OAS2: variants seen among roughly 807,000 people sequenced by gnomAD.
OAS2 encodes the protein 2'-5'-oligoadenylate synthase 2.
OAS2 carries 67 observed loss-of-function variants against 71.3 expected under a neutral mutation model. The observed-to-expected ratio is 0.94, with a 90% CI of 0.77 to 1.15. The LOEUF (loss-of-function observed/expected upper bound fraction) is 1.15, where lower values mean the gene tolerates loss of function less well. Ranked by LOEUF, OAS2 falls within the 50% of genes most tolerant of loss-of-function variation. The probability of loss-of-function intolerance (pLI) is 0.00; values close to 1 mark genes in which losing one functional copy is unlikely to be tolerated. For synonymous variants in OAS2, 327 were observed against 321.8 expected (o/e 1.02, Z -0.17); for missense variants, 789 against 822.5 (o/e 0.96, Z 0.50).
intron 1 of OAS2, among the ~76,000 whole-genome samples, chr12:112,986,684 G>A (rs2044139699): frequency 6.6e-6 from 1 of 151,824 alleles, no homozygotes; most frequent in Non-Finnish European, 1.5e-5. Context: ...CTGGCCGCAG[G>A]TGGGACAGTT....
intron 2 of OAS2, among the ~76,000 whole-genome samples, chr12:112,992,389 A>C (rs1263768948): frequency 7.3e-6 from 1 of 136,558 alleles, no homozygotes; most frequent in East Asian, 2.0e-4. Flanking sequence ...AGATCTTGTC[A>C]AAAGAAAAAA....
chr12:113,005,918 CAAAAAAAAA>C lies in OAS2; in HGVS notation c.1469-470_1469-462del, dbSNP rs138299398. ...AAAAAGCAAAAAACAACAACAACAA[CAAAAAAAAA>C]AAAAAAAAAAAAAAAAAAAAAAAAC... On this transcript the variant is annotated intron_variant, in intron 7 of 9. Coordinates refer to ENST00000392583, the MANE Select transcript of OAS2 (RefSeq NM_002535.3). Among the ~76,000 whole-genome samples, 32 of 49,046 alleles carry C rather than the reference CAAAAAAAAA, an allele frequency of 6.5e-4. 1 individual carries two copies. Among genetic ancestry groups the C allele is most frequent in the Middle Eastern group, 0.015 (1 of 68 alleles). The allele number at this position is 49,046 out of a possible 152,430, so 32.2% of individuals were successfully genotyped here. A position where few individuals can be genotyped will look rare whatever the true frequency, so the allele number is the denominator to read the frequency against.
chr12:113,003,994 T>C (rs1367825116), intron 6 of OAS2, among the ~76,000 whole-genome samples: 1 of 152,204 alleles, frequency 6.6e-6, no homozygotes, highest in African/African-American at 2.4e-5. Flanking sequence ...CTCTCCTTCC[T>C]GAAACCCCAT....
chr12:112,998,195 C>T (rs1783779605), intron 4 of OAS2, 71 bp from the exon 5 acceptor site: 1 of 1,558,384 alleles, frequency 6.4e-7, no homozygotes, highest in Non-Finnish European at 8.7e-7. Context: ...CTCCAGGCCT[C>T]TTTCCCCAAA....
At position 112,978,915 on chromosome 12, in the gene OAS2, C is replaced by G; in HGVS notation, c.177+130C>G. 1.2e-6 allele frequency: 1 copy of G among 860,284 alleles called. No individual in the cohort carries two copies. Among genetic ancestry groups the G allele is most frequent in the Non-Finnish European group, 1.8e-6 (1 of 568,160 alleles). The allele number at this position is 860,284 out of a possible 1,614,324, so 53.3% of individuals were successfully genotyped here. On this transcript the variant is annotated intron_variant, in intron 1 of 9. Transcript: ENST00000392583. This position sits in a 1 kb window ranked among gnomAD's most constrained non-coding sequence, Gnocchi z 4.2. ...CTTGGGTGGGATGTGGTGTAGGAGT[C>G]TCAGGCTCTGGAGCAGGCGCTTGCT...
chr12:112,993,697 G>A (rs999462894), intron 2 of OAS2, among the ~76,000 whole-genome samples: 1 of 151,718 alleles, frequency 6.6e-6, no homozygotes, highest in Non-Finnish European at 1.5e-5. Context: ...CTGGGCAACA[G>A]GCTTTTTTTT....
rs2044301902 is a variant in OAS2 at position 113,002,943 on chromosome 12, C to G, written c.1020C>G (p.Leu340=). 1.2e-6 allele frequency: 2 copies of G among 1,613,916 alleles called. No individual in the cohort carries two copies. The highest frequency in any genetic ancestry group is 1.1e-5 in the South Asian group (1 of 91,070). Residue 340 remains leucine, a synonymous_variant, in exon 6 of 10, where the codon CTC becomes CTG. Coordinates refer to ENST00000392583, the MANE Select transcript of OAS2 (RefSeq NM_002535.3). ...APSWNVLPAP[L]FTTPGHLLDK... ...CCTTCCTTCCCCAGCCTGCACCACT[C>G]TTCACGACCCCAGGCCACCTTCTGG...
intron 1 of OAS2, 32 bp from the exon 2 acceptor site, chr12:112,987,006 G>T: frequency 6.3e-7 from 1 of 1,575,340 alleles, no homozygotes; most frequent in Non-Finnish European, 8.6e-7. Flanking sequence ...CCAGAATCTA[G>T]TGTCTCATAT....
chr12:113,009,235 G>C lies in OAS2; in HGVS notation c.2044G>C (p.Val682Leu). 2 of 1,614,026 alleles carry C rather than the reference G, an allele frequency of 1.2e-6. No individual in the cohort carries two copies. The highest frequency in any genetic ancestry group is 1.7e-6 in the Non-Finnish European group (2 of 1,179,940). Residue 682 changes from valine to leucine, a missense_variant, in exon 10 of 10, where the codon GTG (valine) becomes CTG (leucine). Val to Leu is a conservative substitution (Grantham distance 32). Coordinates refer to ENST00000392583, the MANE Select transcript of OAS2 (RefSeq NM_002535.3). ...GTGNPIPPWKVPVKVI is the reference protein window; with the variant it reads ...GTGNPIPPWKLPVKVI ...TGGAAACCCAATACCACCTTGGAAA[G>C]TGCCGGTAAAAGTCATCTAAAGGAG...
At chr12:112,993,218 T>C (rs143603432) in intron 2 of OAS2, among the ~76,000 whole-genome samples, 2 of 152,320 alleles carry the variant, frequency 1.3e-5, no homozygotes, top group African/African-American at 4.8e-5. Flanking sequence ...CTGTCTCCAA[T>C]TCTGCATCTC....
Position 112,978,921 on chromosome 12 carries a change from C to G in OAS2, c.177+136C>G. Reference sequence around the variant, plus strand: ...TGGGATGTGGTGTAGGAGTCTCAGGCTCTGGAGCAGGCGCTTGCTCCAGAG... The same window carrying G: ...TGGGATGTGGTGTAGGAGTCTCAGGGTCTGGAGCAGGCGCTTGCTCCAGAG... On this transcript the variant is annotated intron_variant, in intron 1 of 9. Coordinates refer to ENST00000392583, the MANE Select transcript of OAS2 (RefSeq NM_002535.3). This position sits in a 1 kb window ranked among gnomAD's most constrained non-coding sequence, Gnocchi z 4.2. 1 of 804,752 alleles carries G rather than the reference C, an allele frequency of 1.2e-6. No individual in the cohort carries two copies. The highest frequency in any genetic ancestry group is 2.8e-5 in the East Asian group (1 of 35,618). The allele number at this position is 804,752 out of a possible 1,614,324, so 49.9% of individuals were successfully genotyped here.
In OAS2 at chr12:113,010,564, C is replaced by G; in HGVS notation, c.*1309C>G. On this transcript the variant is annotated 3_prime_UTR_variant, in exon 10 of 10. Coordinates refer to ENST00000392583, the MANE Select transcript of OAS2 (RefSeq NM_002535.3). Reference sequence around the variant, plus strand: ...CACATCCATTCTTCCCTTGATGGTCCCTATTCCTCCTTCCCTTGCTTCTTG... The same window carrying G: ...CACATCCATTCTTCCCTTGATGGTCGCTATTCCTCCTTCCCTTGCTTCTTG... 6.4e-7 allele frequency: 1 copy of G among 1,550,874 alleles called. No homozygotes were observed. Among genetic ancestry groups the G allele is most frequent in the East Asian group, 2.3e-5 (1 of 43,926 alleles).
At chr12:113,003,290 T>C (rs947034222) in intron 6 of OAS2, among the ~76,000 whole-genome samples, 188 bp downstream of exon 6, 5 of 152,194 alleles carry the variant, frequency 3.3e-5, no homozygotes, top group Non-Finnish European at 7.3e-5. Flanking sequence ...GCCTAGGTCA[T>C]TAACAACACA....
Position 112,987,097 on chromosome 12 carries a change from C to T in OAS2, c.237C>T (p.Leu79=), listed in dbSNP as rs368181112. 6.2e-6 allele frequency: 10 copies of T among 1,614,062 alleles called. No individual in the cohort carries two copies. The highest frequency in any genetic ancestry group is 8.5e-6 in the Non-Finnish European group (10 of 1,180,026). ...LRGNSDGTLV[L]FFSDLKQFQD... is the part of the protein sequence containing the mutation. ...GCAACTCCGATGGTACCCTTGTCCT[C>T]TTCTTCAGTGACTTAAAACAATTCC... Residue 79 remains leucine (L), a synonymous_variant, in exon 2 of 10, where the codon CTC becomes CTT. Transcript: ENST00000392583.
intron 5 of OAS2, among the ~76,000 whole-genome samples, chr12:113,001,030 C>G (rs1457488482): frequency 1.3e-5 from 2 of 152,130 alleles, no homozygotes; most frequent in Non-Finnish European, 2.9e-5. Context: ...AAAAAATGCC[C>G]TAAACTTAGT....
Position 112,997,739 on chromosome 12 carries a change from C to CAGCTCCA in OAS2, c.849_855dup (p.Ser286AlafsTer13), listed in dbSNP as rs1254524307. ...GACCATCAGGAACATCCTGCTGCAC[C>CAGCTCCA]AGCTCCAATCAGCGAGGTGCCAAGC... On this transcript the variant is annotated frameshift_variant, in exon 4 of 10. Transcript: ENST00000392583. LOFTEE classifies it high-confidence loss of function. The CAGCTCCA allele has an allele frequency of 3.8e-6, 6 of 1,591,288 alleles. No homozygotes were observed. Among genetic ancestry groups the CAGCTCCA allele is most frequent in the Non-Finnish European group, 5.1e-6 (6 of 1,167,392 alleles).
intron 6 of OAS2, among the ~76,000 whole-genome samples, chr12:113,003,740 T>C (rs1217191669): frequency 1.3e-5 from 2 of 152,236 alleles, no homozygotes; most frequent in African/African-American, 4.8e-5. Context: ...CTCTGTTTAC[T>C]GGTCACACGA....
At chr12:113,003,514 G>C (rs557603563) in intron 6 of OAS2, among the ~76,000 whole-genome samples, 3 of 152,098 alleles carry the variant, frequency 2.0e-5, no homozygotes, top group Non-Finnish European at 1.5e-5. Flanking sequence ...TTACATCTGC[G>C]AAGACCCTTT....
chr12:112,994,562 C>T (rs1300721842), intron 2 of OAS2, among the ~76,000 whole-genome samples: 9 of 152,222 alleles, frequency 5.9e-5, no homozygotes, highest in Admixed American at 5.9e-4. Context: ...GCTGGGATTA[C>T]AGGCACCTGC....
Sources: gnomAD v4.1 joint callset for allele counts (sites outside exome capture counted in the v4.1 genomes callset) on GRCh38, gnomAD v4.1.1 for gene constraint, Gnocchi (gnomAD v3.1) non-coding constraint, MANE v1.5 for transcripts, NCBI Gene and HGNC (gene_info 2026-07-23, HGNC 2026-07-21) for gene names.